Variants in RGS7 observed in about 807,000 individuals in gnomAD.
RGS7 encodes the protein regulator of G-protein signaling 7.
Under a neutral mutation model 81.1 loss-of-function variants are expected in RGS7, and 27 were observed. The ratio of observed to expected loss-of-function variants is 0.33; its 90% CI spans 0.25 to 0.46. The LOEUF (loss-of-function observed/expected upper bound fraction) is 0.46. RGS7 is among the 20% of genes least tolerant of loss of function. The pLI, the probability that RGS7 is intolerant of heterozygous loss-of-function variation, is 1.00. For synonymous variants in RGS7, 208 were observed against 207.7 expected (o/e 1.00, Z -0.01); for missense variants, 396 against 607.4 (o/e 0.65, Z 3.66).
At chr1:241,354,658 C>T (rs2083448674) in intron 2 of RGS7, among the ~76,000 whole-genome samples, 1 of 152,154 alleles carries the variant, frequency 6.6e-6, no homozygotes, top group Non-Finnish European at 1.5e-5. Flanking sequence ...CATCTTTATT[C>T]ATAATCAGCT....
chr1:241,137,992 G>A (rs1365738204), intron 2 of RGS7, among the ~76,000 whole-genome samples: 3 of 152,046 alleles, frequency 2.0e-5, no homozygotes, highest in Non-Finnish European at 2.9e-5. Context: ...CCAACATGGT[G>A]AAACCCCATC....
intron 9 of RGS7, among the ~76,000 whole-genome samples, chr1:240,860,824 T>C (rs1662064153): frequency 6.6e-6 from 1 of 152,070 alleles, no homozygotes; most frequent in African/African-American, 2.4e-5. Context: ...TCCCAAAACA[T>C]CCCTCAAATT....
At chr1:241,181,317 TAGG>T (rs1278885724) in intron 2 of RGS7, among the ~76,000 whole-genome samples, 1 of 152,220 alleles carries the variant, frequency 6.6e-6, no homozygotes, top group African/African-American at 2.4e-5. Flanking sequence ...ATACGGGGTA[TAGG>T]AGAAGTCTTT....
intron 9 of RGS7, among the ~76,000 whole-genome samples, chr1:240,838,399 C>T (rs1360952942): frequency 6.6e-6 from 1 of 152,194 alleles, no homozygotes; most frequent in Non-Finnish European, 1.5e-5. Flanking sequence ...GGGGAGGACA[C>T]AAATGTTCAG....
chr1:241,345,618 C>T (rs2082847062), intron 2 of RGS7, among the ~76,000 whole-genome samples: 1 of 152,158 alleles, frequency 6.6e-6, no homozygotes, highest in African/African-American at 2.4e-5. Context: ...TTAAAAGATA[C>T]ATTGAATTAG....
At chr1:240,939,287 A>C (rs1677159693) in intron 4 of RGS7, among the ~76,000 whole-genome samples, 1 of 152,226 alleles carries the variant, frequency 6.6e-6, no homozygotes, top group African/African-American at 2.4e-5. Flanking sequence ...CTTTGAAGTG[A>C]TAGATATGTT....
intron 4 of RGS7, among the ~76,000 whole-genome samples, chr1:240,979,910 A>G (rs1179944174): frequency 6.6e-6 from 1 of 152,210 alleles, no homozygotes; most frequent in Non-Finnish European, 1.5e-5. Flanking sequence ...CCATGGTAAG[A>G]ACTCAATAAA....
intron 2 of RGS7, among the ~76,000 whole-genome samples, chr1:241,231,313 C>T (rs1290142451): frequency 6.6e-6 from 1 of 152,040 alleles, no homozygotes; most frequent in African/African-American, 2.4e-5. Context: ...TAATAGTACC[C>T]CCTCTAGTTC....
intron 6 of RGS7, among the ~76,000 whole-genome samples, chr1:240,917,411 A>G (rs1367943872): frequency 6.6e-6 from 1 of 152,210 alleles, no homozygotes; most frequent in African/African-American, 2.4e-5. Context: ...AAATGATACC[A>G]GCAACAATGC....
chr1:241,055,929 A>C (rs887565780), intron 3 of RGS7, among the ~76,000 whole-genome samples: 5 of 152,210 alleles, frequency 3.3e-5, no homozygotes, highest in Non-Finnish European at 7.3e-5. Context: ...AAACAAGAGG[A>C]ATGCCAAATG....
intron 2 of RGS7, among the ~76,000 whole-genome samples, chr1:241,325,115 C>T (rs1293858156): frequency 6.6e-6 from 1 of 152,210 alleles, no homozygotes; most frequent in Non-Finnish European, 1.5e-5. Context: ...TTCCCATCCA[C>T]GACCTGACTC....
intron 3 of RGS7, among the ~76,000 whole-genome samples, chr1:241,056,713 CCATT>C (rs1558655185): frequency 6.6e-6 from 1 of 152,180 alleles, no homozygotes; most frequent in East Asian, 1.9e-4. Flanking sequence ...GTCCAAGAGA[CCATT>C]CATTTCAGCA....
chr1:240,851,338 T>A (rs1235793983), intron 9 of RGS7, among the ~76,000 whole-genome samples: 1 of 152,210 alleles, frequency 6.6e-6, no homozygotes, highest in Non-Finnish European at 1.5e-5. Context: ...TCTGTTTACA[T>A]CGTCATTTAC....
At chr1:240,867,250 C>T (rs957089874) in intron 9 of RGS7, among the ~76,000 whole-genome samples, 2 of 152,062 alleles carry the variant, frequency 1.3e-5, no homozygotes, top group African/African-American at 4.8e-5. Context: ...TATAAACAAA[C>T]CTTTGGAGAC....
rs185563567 is a variant in RGS7, at chr1:241,306,696, C to T, written c.78+49003G>A. On this transcript the variant is annotated intron_variant, in intron 2 of 18. Coordinates refer to ENST00000440928, the MANE Select transcript of RGS7 (RefSeq NM_001364886.1). The stretch of plus-strand genomic sequence containing the variant: ...CAACACATGCACACACTCTTACACA[C>T]ACATACACCCTTATACACATACCCT... Among the ~76,000 whole-genome samples the T allele has an allele frequency of 3.7e-4, 56 of 152,040 alleles. No homozygotes were observed. The South Asian group carries it at 4.8e-3, about 13-fold the overall frequency.
At chr1:240,988,594 T>C (rs1040471477) in intron 3 of RGS7, among the ~76,000 whole-genome samples, 3 of 152,236 alleles carry the variant, frequency 2.0e-5, no homozygotes, top group Non-Finnish European at 4.4e-5. Flanking sequence ...TTTTGTTTAT[T>C]TGAGTACTTG....
chr1:241,120,299 T>C (rs1272266715), intron 2 of RGS7, among the ~76,000 whole-genome samples: 1 of 152,194 alleles, frequency 6.6e-6, no homozygotes, highest in Non-Finnish European at 1.5e-5. Flanking sequence ...GCTCTCTACA[T>C]ACCACTATCA....
At chr1:241,094,866 C>T (rs2064139178) in intron 3 of RGS7, among the ~76,000 whole-genome samples, 1 of 152,142 alleles carries the variant, frequency 6.6e-6, no homozygotes, top group East Asian at 1.9e-4. Flanking sequence ...CCTATGTTTT[C>T]CTTTGAAGCA....
At chr1:241,148,302 C>T (rs2068502542) in intron 2 of RGS7, among the ~76,000 whole-genome samples, 2 of 152,148 alleles carry the variant, frequency 1.3e-5, no homozygotes, top group Non-Finnish European at 1.5e-5. Flanking sequence ...CCACCCACCT[C>T]GGCCTTCCAA....
Sources: gnomAD v4.1 joint callset for allele counts (sites outside exome capture counted in the v4.1 genomes callset) on GRCh38, gnomAD v4.1.1 for gene constraint, MANE v1.5 for transcripts, NCBI Gene and HGNC (gene_info 2026-07-23, HGNC 2026-07-21) for gene names.